Variants in PCDHGA2 observed in about 807,000 individuals in gnomAD.
PCDHGA2 encodes the protein protocadherin gamma subfamily A, 2.
PCDHGA2 carries 40 observed loss-of-function variants against 59.2 expected under a neutral mutation model. The observed-to-expected ratio is 0.68, with a 90% CI of 0.52 to 0.88. The LOEUF is 0.88. PCDHGA2 is among the 40% of genes least tolerant of loss of function. The pLI is 0.00. For synonymous variants in PCDHGA2, 560 were observed against 526.0 expected, an observed-to-expected ratio of 1.06 and a Z score of -0.89; for missense variants, 1,226 against 1,204.0, an observed-to-expected ratio of 1.02 and a Z score of -0.27.
intron 1 of PCDHGA2, chr5:141,382,996 T>C (rs1296495835): frequency 6.2e-7 from 1 of 1,613,724 alleles, no homozygotes; most frequent in East Asian, 2.2e-5. Context: ...ACGTATTCTC[T>C]ACTCCGTGTC....
At chr5:141,356,048 A>G (rs1266481574) in intron 1 of PCDHGA2, 1 of 1,613,848 alleles carries the variant, frequency 6.2e-7, no homozygotes, top group Non-Finnish European at 8.5e-7. Context: ...TCTTTCCGGA[A>G]AGTAAGAGAC....
Position 141,339,020 on chromosome 5 carries a change from T to C in PCDHGA2, c.49T>C (p.Cys17Arg). The C allele has an allele frequency of 6.3e-7, 1 of 1,590,610 alleles. No individual in the cohort carries two copies. The highest frequency in any genetic ancestry group is 8.6e-7 in the Non-Finnish European group (1 of 1,164,852). Residue 17 changes from cysteine (C) to arginine (R), a missense_variant, in exon 1 of 4, where the codon TGC becomes CGC. By Grantham distance (180) the Cys-to-Arg change is radical. Transcript: ENST00000394576. ...ACACTGCAGAAAGCTGGTCCTGCTG[T>C]GCTTCCTTTTGGCGACCCTGTGGGA... Reference protein sequence around the residue: ...LPHCRKLVLLCFLLATLWEAR... With the variant: ...LPHCRKLVLLRFLLATLWEAR...
At chr5:141,384,287 A>G in intron 1 of PCDHGA2, 1 of 1,613,838 alleles carries the variant, frequency 6.2e-7, no homozygotes, top group South Asian at 1.1e-5. Context: ...TACATCGCTG[A>G]GAACAACCCC....
chr5:141,446,622 G>A (rs1338969669), intron 1 of PCDHGA2, among the ~76,000 whole-genome samples: 13 of 152,044 alleles, frequency 8.6e-5, no homozygotes, highest in East Asian at 1.9e-4. Flanking sequence ...GACTACAGGC[G>A]TGCACCACCA....
At chr5:141,441,790 A>G in intron 1 of PCDHGA2, 1 of 391,228 alleles carries the variant, frequency 2.6e-6, no homozygotes, top group South Asian at 2.0e-5. Context: ...CTGAATGACA[A>G]CGCACCGCGG....
At chr5:141,448,662 C>T (rs1242351797) in intron 1 of PCDHGA2, among the ~76,000 whole-genome samples, 1 of 151,980 alleles carries the variant, frequency 6.6e-6, no homozygotes, top group Non-Finnish European at 1.5e-5. Flanking sequence ...CCATATTGGC[C>T]GGGCGCGGTG....
At chr5:141,467,348 C>T (rs1182432500) in intron 1 of PCDHGA2, among the ~76,000 whole-genome samples, 5 of 152,142 alleles carry the variant, frequency 3.3e-5, no homozygotes, top group African/African-American at 9.7e-5. Context: ...CCACTGCCCC[C>T]GGCCAAATCA....
At chr5:141,481,531 G>A (rs1342825952) in intron 1 of PCDHGA2, among the ~76,000 whole-genome samples, 2 of 152,206 alleles carry the variant, frequency 1.3e-5, no homozygotes, top group African/African-American at 4.8e-5. Context: ...AAAATCTAGA[G>A]ATGGGGCTGG....
At chr5:141,414,167 A>T (rs2095716553) in intron 1 of PCDHGA2, 3 of 1,605,526 alleles carry the variant, frequency 1.9e-6, no homozygotes, top group Non-Finnish European at 2.6e-6. Flanking sequence ...GGAGGAGCAT[A>T]TCTTGCAACT....
At position 141,413,133 on chromosome 5, in the gene PCDHGA2, C is replaced by T. The variant is rs765215473; in HGVS notation, c.2424+71738C>T. The stretch of plus-strand genomic sequence containing the variant: ...CAAAGGAACCGGTTGAAACACACAA[C>T]GTGTCCAGTGAGGACTTTGCAGAAT... On this transcript the variant is annotated intron_variant, in intron 1 of 3. Transcript: ENST00000394576. 1.1e-5 allele frequency: 17 copies of T among 1,542,110 alleles called. No individual in the cohort carries two copies. In the East Asian group the frequency reaches 3.2e-4, roughly 29 times the overall value.
At chr5:141,359,052 T>TCACATA (rs1024764249) in intron 1 of PCDHGA2, among the ~76,000 whole-genome samples, 3 of 152,256 alleles carry the variant, frequency 2.0e-5, no homozygotes, top group African/African-American at 7.2e-5. Context: ...CTGTGGAATA[T>TCACATA]GCCTCAATTT....
chr5:141,391,910 CAT>C (rs2092442264), intron 1 of PCDHGA2: 2 of 152,134 alleles, frequency 1.3e-5, no homozygotes, highest in African/African-American at 4.8e-5. Context: ...TGCTTTTTAT[CAT>C]ATATTCATCT....
At position 141,436,706 on chromosome 5, in the gene PCDHGA2, A is replaced by G. The variant is rs149478256; in HGVS notation, c.2425-58101A>G. 3.9e-3 allele frequency among the ~76,000 whole-genome samples: 587 copies of G among 152,318 alleles called. 6 individuals are homozygous for G. Among genetic ancestry groups the G allele is most frequent in the Admixed American group, 0.011 (169 of 15,304 alleles). On this transcript the variant is annotated intron_variant, in intron 1 of 3. Transcript: ENST00000394576. ...TATATTTTCAATGCCAGCACACTCG[A>G]TGTTCTGTTGGGAAAAATAATAATG...
At chr5:141,365,118 T>C (rs754097120) in intron 1 of PCDHGA2, 1 of 1,613,888 alleles carries the variant, frequency 6.2e-7, no homozygotes, top group Non-Finnish European at 8.5e-7. Context: ...CGGCTGCTCA[T>C]GCTAACCGCC....
At chr5:141,415,255 A>G (rs908329007) in intron 1 of PCDHGA2, 1 of 1,613,620 alleles carries the variant, frequency 6.2e-7, no homozygotes, top group African/African-American at 1.3e-5. Context: ...CTCAGACCTC[A>G]CTCTGTACCT....
At position 141,384,205 on chromosome 5, in the gene PCDHGA2, A is replaced by G. The variant is rs537255250; in HGVS notation, c.2424+42810A>G. 3.1e-6 allele frequency: 5 copies of G among 1,613,874 alleles called. No homozygotes were observed. In the African/African-American group the frequency reaches 4.0e-5, roughly 13 times the overall value. On this transcript the variant is annotated intron_variant, in intron 1 of 3. Transcript: ENST00000394576. ...TGGAACTCCTCCCTTGTCCAGGGAAACTCACATATTCATGCAGGTGGCAGA... is the reference window on the plus strand; with the variant it reads ...TGGAACTCCTCCCTTGTCCAGGGAAGCTCACATATTCATGCAGGTGGCAGA...
chr5:141,372,317 C>T (rs775859797), intron 1 of PCDHGA2: 3 of 1,613,614 alleles, frequency 1.9e-6, no homozygotes, highest in East Asian at 2.2e-5. Flanking sequence ...CCCGCCAGCG[C>T]CTGCTGGTCA....
intron 1 of PCDHGA2, chr5:141,345,092 A>T: frequency 1.9e-6 from 3 of 1,613,964 alleles, no homozygotes; most frequent in Non-Finnish European, 2.5e-6. Context: ...CGTCTCTCAC[A>T]AGCTCAGTCC....
intron 2 of PCDHGA2, among the ~76,000 whole-genome samples, chr5:141,505,180 A>G (rs1435197883): frequency 6.6e-6 from 1 of 152,200 alleles, no homozygotes; most frequent in Non-Finnish European, 1.5e-5. Context: ...AGAAAAAAGC[A>G]TCGGAGGCAG....
Sources: allele counts gnomAD v4.1 joint callset (sites outside exome capture counted in the v4.1 genomes callset), GRCh38; gene constraint gnomAD v4.1.1; transcripts MANE v1.5; gene names NCBI Gene and HGNC (gene_info 2026-07-23, HGNC 2026-07-21).